The following KCNN2 variants were observed in gnomAD, a reference collection of about 807,000 sequenced individuals.
KCNN2 encodes the protein potassium calcium-activated channel subfamily N member 2.
KCNN2 carries 24 observed loss-of-function variants against 55.5 expected under a neutral mutation model. The observed-to-expected ratio is 0.43, with a 90% CI of 0.31 to 0.61. The LOEUF (loss-of-function observed/expected upper bound fraction) is 0.61. Ranked by LOEUF, KCNN2 falls within the 20% of genes least tolerant of loss-of-function variation. The probability of loss-of-function intolerance (pLI) is 0.08; values close to 1 mark genes in which losing one functional copy is unlikely to be tolerated. For missense variants in KCNN2, 754 were observed against 853.6 expected, an observed-to-expected ratio of 0.88 and a Z score of 1.45; for synonymous variants, 431 against 336.1, an observed-to-expected ratio of 1.28 and a Z score of -3.09.
chr5:114,117,060 C>A (rs1366862850), intron 1 of KCNN2, among the ~76,000 whole-genome samples: 2 of 152,074 alleles, frequency 1.3e-5, no homozygotes, highest in Admixed American at 1.3e-4. Flanking sequence ...ACCACAGAAA[C>A]AATGTGAGTA....
At position 114,468,221 on chromosome 5, in the gene KCNN2, T is replaced by C. The variant is rs555078720; in HGVS notation, c.1780-4833T>C. ...TTATTTTCATGACCTGAGGAAACCT[T>C]GTAAAACTCCAATGGGATATAATAT... On this transcript the variant is annotated intron_variant, in intron 4 of 7. Coordinates refer to ENST00000673685, the MANE Select transcript of KCNN2 (RefSeq NM_021614.4). Among the ~76,000 whole-genome samples, 9 of 152,304 alleles carry C rather than the reference T, an allele frequency of 5.9e-5. No homozygotes were observed. In the South Asian group the frequency reaches 1.7e-3, roughly 28 times the overall value.
intron 1 of KCNN2, among the ~76,000 whole-genome samples, chr5:114,158,309 T>C (rs181853705): frequency 6.2e-4 from 95 of 152,304 alleles, no homozygotes; most frequent in African/African-American, 2.3e-3. Context: ...GATCAGATAG[T>C]TGTAGTTATG....
intron 1 of KCNN2, among the ~76,000 whole-genome samples, chr5:114,153,872 C>A (rs1419736520): frequency 6.6e-6 from 1 of 152,186 alleles, no homozygotes; most frequent in African/African-American, 2.4e-5. Flanking sequence ...ATTTATTTCC[C>A]TCCCTTGGAG....
rs188284368 is a variant in KCNN2 at position 114,157,005 on chromosome 5, A to T, written c.-270-64475A>T. ...GCACTTTGGGATTTCTTTTTTTTTTAAATTTTATTATTATTATACTTTAAG... is the reference window on the plus strand; with the variant it reads ...GCACTTTGGGATTTCTTTTTTTTTTTAATTTTATTATTATTATACTTTAAG... On this transcript the variant is annotated intron_variant, in intron 1 of 10. Coordinates refer to the KCNN2 transcript ENST00000512097. 3.3e-3 allele frequency among the ~76,000 whole-genome samples: 490 copies of T among 150,176 alleles called. 15 individuals carry two copies. The East Asian group carries it at 0.073, about 22-fold the overall frequency.
chr5:114,449,908 A>ACACACACGCGCGCGCG (rs1309590184), intron 3 of KCNN2, among the ~76,000 whole-genome samples: 63 of 66,170 alleles, frequency 9.5e-4, no homozygotes, highest in African/African-American at 1.2e-3. Flanking sequence ...ACACACACAC[A>ACACACACGCGCGCGCG]CGCGCGCGCT....
intron 2 of KCNN2, among the ~76,000 whole-genome samples, chr5:114,382,401 C>T (rs1414697110): frequency 6.6e-6 from 1 of 152,186 alleles, no homozygotes; most frequent in Non-Finnish European, 1.5e-5. Context: ...ATTCCCCAGC[C>T]TGAACTTGAG....
intron 5 of KCNN2, among the ~76,000 whole-genome samples, chr5:114,479,302 T>C (rs1193135428): frequency 6.7e-6 from 1 of 149,822 alleles, no homozygotes; most frequent in Non-Finnish European, 1.5e-5. Context: ...CCAACAAAGA[T>C]TAAAAAAAGA....
chr5:114,156,041 T>G (rs11750828), intron 1 of KCNN2, among the ~76,000 whole-genome samples: 64,000 of 152,038 alleles, frequency 0.42, 14,638 homozygotes, highest in Middle Eastern at 0.55. Context: ...TTAATCTATC[T>G]TGACTTAATT....
intron 1 of KCNN2, among the ~76,000 whole-genome samples, chr5:114,169,640 T>C (rs1162730606): frequency 6.6e-6 from 1 of 152,072 alleles, no homozygotes; most frequent in African/African-American, 2.4e-5. Context: ...TTGGTTGTAG[T>C]ATGGCTCAGT....
intron 5 of KCNN2, among the ~76,000 whole-genome samples, chr5:114,476,405 A>C (rs1272166934): frequency 6.6e-6 from 1 of 151,776 alleles, no homozygotes; most frequent in African/African-American, 2.4e-5. Flanking sequence ...GGTCTGAGAA[A>C]TATACTCTAG....
intron 1 of KCNN2, among the ~76,000 whole-genome samples, chr5:114,060,408 G>A (rs1750301244): frequency 1.3e-5 from 2 of 152,352 alleles, no homozygotes; most frequent in Non-Finnish European, 2.9e-5. Flanking sequence ...CTTAGTGCCT[G>A]GCACAGTGCC....
intron 1 of KCNN2, among the ~76,000 whole-genome samples, chr5:114,090,930 A>G (rs1399212726): frequency 2.0e-5 from 3 of 152,052 alleles, no homozygotes; most frequent in African/African-American, 7.2e-5. Context: ...CTTGACTTCC[A>G]GGGTTCAAGT....
intron 2 of KCNN2, among the ~76,000 whole-genome samples, chr5:114,337,784 C>T (rs1756946786): frequency 1.3e-5 from 2 of 152,158 alleles, no homozygotes; most frequent in South Asian, 2.1e-4. Context: ...CCCTGTAGAG[C>T]TCAGCATGAA....
chr5:114,404,672 A>G lies in KCNN2; in HGVS notation c.1453A>G (p.Met485Val). The G allele has an allele frequency of 4.3e-6, 7 of 1,614,030 alleles. No individual in the cohort carries two copies. Among genetic ancestry groups the G allele is most frequent in the Non-Finnish European group, 5.9e-6 (7 of 1,179,956 alleles). The stretch of plus-strand genomic sequence containing the variant: ...AAGACTCTATCTGATTGCCAGAGTC[A>G]TGCTTTTACATAGCAAACTTTTCAC... ...FLRLYLIARV[M>V]LLHSKLFTDA... The change falls in exon 3 of 8, where the codon ATG becomes GTG. Residue 485 changes from methionine to valine, a missense_variant. By Grantham distance (21) the Met-to-Val change is conservative. Transcript: ENST00000673685.
intron 1 of KCNN2, among the ~76,000 whole-genome samples, chr5:114,083,084 A>G (rs115697510): frequency 0.048 from 7,293 of 152,228 alleles, 199 homozygotes; most frequent in Non-Finnish European, 0.059. Context: ...TTTTACCACA[A>G]TATAAATCTA....
chr5:114,146,763 G>A (rs1752405710), intron 1 of KCNN2, among the ~76,000 whole-genome samples: 1 of 152,170 alleles, frequency 6.6e-6, no homozygotes, highest in African/African-American at 2.4e-5. Flanking sequence ...TGAAGCATTA[G>A]TATGAATGAG....
intron 1 of KCNN2, among the ~76,000 whole-genome samples, chr5:114,113,832 C>T (rs1310405506): frequency 6.6e-6 from 1 of 152,064 alleles, no homozygotes; most frequent in Non-Finnish European, 1.5e-5. Context: ...AGGAGGGAGT[C>T]TATGGCAGTA....
At chr5:114,221,877 G>T (rs1228185420) in intron 2 of KCNN2, among the ~76,000 whole-genome samples, 2 of 152,152 alleles carry the variant, frequency 1.3e-5, no homozygotes, top group African/African-American at 4.8e-5. Context: ...TTAAGTATCA[G>T]AAAATATGCT....
intron 2 of KCNN2, among the ~76,000 whole-genome samples, chr5:114,252,788 TGAGA>T (rs1040819529): frequency 0.022 from 666 of 29,786 alleles, 3 homozygotes; most frequent in African/African-American, 0.13. Context: ...TGTGTGTGTG[TGAGA>T]GAGAGAGAGA....
Sources: gnomAD v4.1 joint callset for allele counts (sites outside exome capture counted in the v4.1 genomes callset) on GRCh38, gnomAD v4.1.1 for gene constraint, MANE v1.5 for transcripts, NCBI Gene and HGNC (gene_info 2026-07-23, HGNC 2026-07-21) for gene names.